WDR35: variants seen among roughly 807,000 people sequenced by gnomAD.
WDR35 encodes WD repeat domain 35.
WDR35 carries 118 observed loss-of-function variants against 158.3 expected under a neutral mutation model. The ratio of observed to expected loss-of-function variants is 0.75; its 90% CI spans 0.64 to 0.87. The LOEUF (loss-of-function observed/expected upper bound fraction) is 0.87, where lower values mean the gene tolerates loss of function less well. WDR35 is among the 40% of genes least tolerant of loss of function. The probability of loss-of-function intolerance (pLI) is 0.00; values close to 1 mark genes in which losing one functional copy is unlikely to be tolerated. For synonymous variants in WDR35, 448 were observed against 476.1 expected, an observed-to-expected ratio of 0.94 and a Z score of 0.77; for missense variants, 1,263 against 1,405.8, an observed-to-expected ratio of 0.90 and a Z score of 1.62.
chr2:19,957,401 C>T (rs915862877), intron 11 of WDR35, among the ~76,000 whole-genome samples: 20 of 152,256 alleles, frequency 1.3e-4, no homozygotes, highest in Admixed American at 1.3e-3. Context: ...AGATTCATCC[C>T]ATCTAGACTA....
chr2:19,945,112 A>T (rs1671005463), intron 16 of WDR35, among the ~76,000 whole-genome samples: 1 of 152,172 alleles, frequency 6.6e-6, no homozygotes, highest in African/African-American at 2.4e-5. Context: ...TCCTAAATAC[A>T]ACAGCTGAGA....
intron 25 of WDR35, among the ~76,000 whole-genome samples, chr2:19,921,370 C>CA (rs1323849650): frequency 1.3e-5 from 2 of 152,078 alleles, no homozygotes; most frequent in African/African-American, 4.8e-5. Context: ...GTACTGGTAC[C>CA]AAAACAGATA....
Position 19,979,678 on chromosome 2 carries a change from A to C in WDR35, c.308-799T>G, listed in dbSNP as rs1395604658. ...GAATAACTGCCCAGAGCAGGATAACAGAATCGAGACTGAGACCCAGAGAAG... is the reference window on the plus strand; with the variant it reads ...GAATAACTGCCCAGAGCAGGATAACCGAATCGAGACTGAGACCCAGAGAAG... On this transcript the variant is annotated intron_variant, in intron 4 of 26. Coordinates refer to ENST00000281405, the MANE Select transcript of WDR35 (RefSeq NM_020779.4). Among the ~76,000 whole-genome samples the C allele has an allele frequency of 5.9e-5, 9 of 152,244 alleles. No homozygotes were observed. The East Asian group carries it at 1.5e-3, about 26-fold the overall frequency.
chr2:19,946,137 TTAAA>T, intron 15 of WDR35, 141 bp from the exon 16 acceptor site: 2 of 936,180 alleles, frequency 2.1e-6, no homozygotes, highest in Admixed American at 2.7e-5. Flanking sequence ...TAAAATTTTG[TTAAA>T]TAAATTTGAT....
intron 8 of WDR35, among the ~76,000 whole-genome samples, chr2:19,971,749 C>T (rs1672040166): frequency 6.6e-6 from 1 of 152,076 alleles, no homozygotes. Flanking sequence ...TGGTATTGAC[C>T]CATCCATAAG....
intron 10 of WDR35, among the ~76,000 whole-genome samples, chr2:19,963,959 G>C (rs1011975692): frequency 1.3e-5 from 2 of 152,050 alleles, no homozygotes; most frequent in African/African-American, 2.4e-5. Context: ...GGCCAGGCTG[G>C]TCCCAAACTC....
intron 2 of WDR35, among the ~76,000 whole-genome samples, chr2:19,983,005 G>A (rs1424157701): frequency 1.3e-5 from 2 of 152,144 alleles, no homozygotes; most frequent in African/African-American, 4.8e-5. Context: ...ATATAAAATG[G>A]TGAACAAAAC....
At chr2:19,964,976 T>G (rs973627357) in intron 10 of WDR35, among the ~76,000 whole-genome samples, 10 of 151,862 alleles carry the variant, frequency 6.6e-5, no homozygotes, top group African/African-American at 1.5e-4. Flanking sequence ...CAGGTTGGAG[T>G]GCAATGGCAC....
chr2:19,989,879 G>C, intron 1 of WDR35, 113 bp downstream of exon 1: 2 of 1,530,688 alleles, frequency 1.3e-6, no homozygotes, highest in Non-Finnish European at 1.8e-6. Context: ...CTGCGGAATG[G>C]CGAAGCCACG....
At chr2:19,924,488 C>T (rs11096631) in intron 25 of WDR35, among the ~76,000 whole-genome samples, 8,352 of 152,146 alleles carry the variant, frequency 0.055, 228 homozygotes, top group Non-Finnish European at 0.073. Flanking sequence ...GGCGTGAACC[C>T]GGGAGGCGGA....
At chr2:19,925,300 A>G (rs1426288849) in intron 25 of WDR35, among the ~76,000 whole-genome samples, 1 of 152,260 alleles carries the variant, frequency 6.6e-6, no homozygotes, top group African/African-American at 2.4e-5. Flanking sequence ...TCTGTTCCCT[A>G]GAAAGAAGCC....
intron 26 of WDR35, 126 bp downstream of exon 26, chr2:19,913,911 A>G: frequency 6.9e-7 from 1 of 1,449,668 alleles, no homozygotes; most frequent in South Asian, 1.3e-5. Flanking sequence ...TAAATAAAAT[A>G]GGGTATAATG....
At position 19,913,054 on chromosome 2, in the gene WDR35, C is replaced by T. The variant is rs1322530227; in HGVS notation, c.*504G>A. ...TGCCATCGCCTCACTTCTGAAAATA[C>T]AATAAAGAAGACATTCGACACTTAT... On this transcript the variant is annotated 3_prime_UTR_variant, in exon 27 of 27. Transcript: ENST00000281405. The T allele has an allele frequency of 2.0e-5, 3 of 152,784 alleles. No individual in the cohort carries two copies. The highest frequency in any genetic ancestry group is 7.2e-5 in the African/African-American group (3 of 41,454). The allele number at this position is 152,784 out of a possible 1,614,324, so 9.5% of individuals were successfully genotyped here.
chr2:19,941,789 A>C lies in WDR35; in HGVS notation c.1896T>G (p.Ile632Met). ...GYICNFEDLE[I>M]KSVLLDEILK... ...ATATCTCATCCAAAAGAACAGATTT[A>C]ATTTCTAAATCCTCAAAATTACAAA... Residue 632 changes from isoleucine to methionine, a missense_variant, in exon 17 of 27, where the codon ATT becomes ATG. By Grantham distance (10) the Ile-to-Met change is conservative. Coordinates refer to ENST00000281405, the MANE Select transcript of WDR35 (RefSeq NM_020779.4). The C allele has an allele frequency of 6.4e-7, 1 of 1,572,196 alleles. No individual in the cohort carries two copies. Among genetic ancestry groups the C allele is most frequent in the Middle Eastern group, 1.7e-4 (1 of 5,888 alleles).
intron 2 of WDR35, among the ~76,000 whole-genome samples, chr2:19,987,398 A>T (rs1672603413): frequency 6.6e-6 from 1 of 152,196 alleles, no homozygotes; most frequent in African/African-American, 2.4e-5. Flanking sequence ...CCAAGAATTG[A>T]TTTCCCATCT....
chr2:19,945,808 A>G lies in WDR35; in HGVS notation c.1823T>C (p.Val608Ala), dbSNP rs750718303. 3 of 1,613,730 alleles carry G rather than the reference A, an allele frequency of 1.9e-6. No individual in the cohort carries two copies. In the African/African-American group the frequency reaches 4.0e-5, roughly 22 times the overall value. ...TACCTCAGGATCCAAGTTTCTGAAA[A>G]CATACATTCTTGTCTTCTCCATCAT... The part of the protein sequence containing the change: ...FAMMEKTRMY[V>A]FRNLDPEEPI... Residue 608 changes from valine (V) to alanine (A), a missense_variant, in exon 16 of 27, where the codon GTT becomes GCT. Transcript: ENST00000281405.
chr2:19,961,176 T>C (rs938204095), intron 10 of WDR35, among the ~76,000 whole-genome samples: 9 of 152,176 alleles, frequency 5.9e-5, no homozygotes, highest in Non-Finnish European at 1.2e-4. Context: ...CAATCCTTTA[T>C]GAAAAGTTTA....
chr2:19,972,164 G>A (rs1672053347), intron 8 of WDR35, among the ~76,000 whole-genome samples: 1 of 152,170 alleles, frequency 6.6e-6, no homozygotes, highest in African/African-American at 2.4e-5. Context: ...TAAATTGTTA[G>A]ATAACTTCCA....
At chr2:19,943,731 G>A (rs778050148) in intron 16 of WDR35, among the ~76,000 whole-genome samples, 12 of 151,978 alleles carry the variant, frequency 7.9e-5, no homozygotes, top group Non-Finnish European at 1.2e-4. Context: ...ACAAAACAGC[G>A]CAATCAGTAC....
Sources: gnomAD v4.1 joint callset for allele counts (sites outside exome capture counted in the v4.1 genomes callset) on GRCh38, gnomAD v4.1.1 for gene constraint, MANE v1.5 for transcripts, NCBI Gene and HGNC (gene_info 2026-07-23, HGNC 2026-07-21) for gene names.